NGLY1: variants seen among roughly 807,000 people sequenced by gnomAD.
NGLY1 encodes peptide-N(4)-(N-acetyl-beta-glucosaminyl)asparagine amidase.
Under a neutral mutation model 84.6 loss-of-function variants are expected in NGLY1, and 68 were observed. The ratio of observed to expected loss-of-function variants is 0.80; its 90% CI spans 0.66 to 0.98. The LOEUF (loss-of-function observed/expected upper bound fraction) is 0.98, where lower values mean the gene tolerates loss of function less well. Among genes scored for constraint, NGLY1 ranks in the 50% least tolerant of loss-of-function variants. The pLI is 0.00. For missense variants in NGLY1, 779 were observed against 770.2 expected (o/e 1.01, Z -0.14); for synonymous variants, 280 against 275.2 (o/e 1.02, Z -0.17).
chr3:25,743,450 C>T (rs745600379), intron 4 of NGLY1, among the ~76,000 whole-genome samples: 5 of 152,168 alleles, frequency 3.3e-5, no homozygotes, highest in Non-Finnish European at 5.9e-5. Context: ...CTCATGCCTT[C>T]TACCTAAAAG....
intron 9 of NGLY1, chr3:25,730,134 C>T (rs1379721695): frequency 6.6e-6 from 1 of 151,804 alleles, no homozygotes; most frequent in African/African-American, 2.4e-5. Flanking sequence ...CCTTAAAATC[C>T]CAGGCAATCT....
intron 4 of NGLY1, 138 bp from the exon 5 acceptor site, chr3:25,739,937 G>A: frequency 4.6e-6 from 3 of 656,022 alleles, no homozygotes; most frequent in Middle Eastern, 4.2e-4. Context: ...TAAGAGGCAA[G>A]AAGAAACTGT....
intron 4 of NGLY1, among the ~76,000 whole-genome samples, chr3:25,746,590 T>C (rs747127417): frequency 1.1e-4 from 17 of 152,198 alleles, no homozygotes; most frequent in Non-Finnish European, 1.8e-4. Context: ...TCTTAGCTAA[T>C]AGACTTGAAG....
intron 9 of NGLY1, chr3:25,730,245 T>C (rs1705474811): frequency 6.6e-6 from 1 of 152,134 alleles, no homozygotes; most frequent in South Asian, 2.1e-4. Context: ...CCAATGTTTC[T>C]TCTGTTTCCA....
At chr3:25,777,059 T>TGCTG (rs1708184938) in intron 2 of NGLY1, among the ~76,000 whole-genome samples, 1 of 152,208 alleles carries the variant, frequency 6.6e-6, no homozygotes, top group Admixed American at 6.5e-5. Flanking sequence ...GGAATTCTCT[T>TGCTG]TACAGCAAGC....
intron 2 of NGLY1, chr3:25,777,589 C>A (rs1708217336): frequency 6.6e-6 from 1 of 152,110 alleles, no homozygotes; most frequent in African/African-American, 2.4e-5. Context: ...AACACTCTTA[C>A]CTGAGAGTTT....
At chr3:25,724,637 C>A (rs769277603) in intron 10 of NGLY1, among the ~76,000 whole-genome samples, 2 of 152,098 alleles carry the variant, frequency 1.3e-5, no homozygotes, top group African/African-American at 4.8e-5. Context: ...CCTCTCTAGT[C>A]TCATTTCTCA....
At chr3:25,739,173 A>T (rs1412750968) in intron 5 of NGLY1, among the ~76,000 whole-genome samples, 1 of 152,220 alleles carries the variant, frequency 6.6e-6, no homozygotes, top group Non-Finnish European at 1.5e-5. Flanking sequence ...ACAGTTAAAA[A>T]TTAGGAATTA....
intron 3 of NGLY1, among the ~76,000 whole-genome samples, chr3:25,761,581 G>GA (rs1325998442): frequency 6.6e-6 from 1 of 152,166 alleles, no homozygotes; most frequent in Non-Finnish European, 1.5e-5. Flanking sequence ...AGGATACTAA[G>GA]AAACGGGAAG....
intron 5 of NGLY1, among the ~76,000 whole-genome samples, chr3:25,738,822 T>C (rs752725931): frequency 4.6e-5 from 7 of 152,176 alleles, no homozygotes; most frequent in Admixed American, 3.3e-4. Flanking sequence ...TAAAAAAAAT[T>C]AGATATTTTT....
intron 2 of NGLY1, among the ~76,000 whole-genome samples, chr3:25,768,240 T>C (rs1279963597): frequency 6.7e-6 from 1 of 149,650 alleles, no homozygotes; most frequent in Non-Finnish European, 1.5e-5. Flanking sequence ...CTGGCCAACA[T>C]GGTGAAACCC....
rs957374951 is a variant in NGLY1, at chr3:25,783,095, C to G, written c.131+165G>C. 1 of 619,984 alleles carries G rather than the reference C, an allele frequency of 1.6e-6. No homozygotes were observed. The highest frequency in any genetic ancestry group is 2.7e-6 in the Non-Finnish European group (1 of 369,314). 38.4% of individuals were successfully genotyped at this position (619,984 alleles called of 1,614,324 possible). A position where few individuals can be genotyped will look rare whatever the true frequency, so the allele number is the denominator to read the frequency against. Reference sequence around the variant, plus strand: ...GGGACTTGGCCGGGTCCCGAGGCCCCTGGCCGGCGGGCTCGGACGTTAGGA... The same window carrying G: ...GGGACTTGGCCGGGTCCCGAGGCCCGTGGCCGGCGGGCTCGGACGTTAGGA... On this transcript the variant is annotated intron_variant, in intron 1 of 11. Coordinates refer to ENST00000280700, the MANE Select transcript of NGLY1 (RefSeq NM_018297.4). This position sits in a 1 kb window ranked among gnomAD's most constrained non-coding sequence, Gnocchi z 4.5.
At chr3:25,725,749 A>G (rs1705221827) in intron 10 of NGLY1, among the ~76,000 whole-genome samples, 1 of 149,846 alleles carries the variant, frequency 6.7e-6, no homozygotes, top group Non-Finnish European at 1.5e-5. Context: ...AGAGAACAGA[A>G]AAAAAAAAAT....
chr3:25,761,421 C>A (rs955002700), intron 3 of NGLY1, among the ~76,000 whole-genome samples: 2 of 152,128 alleles, frequency 1.3e-5, no homozygotes, highest in African/African-American at 4.8e-5. Context: ...AAGTTACTTC[C>A]ATTAGGAACA....
chr3:25,737,882 T>A (rs1705923549), intron 5 of NGLY1, among the ~76,000 whole-genome samples: 1 of 152,192 alleles, frequency 6.6e-6, no homozygotes, highest in African/African-American at 2.4e-5. Flanking sequence ...AAATCTAGAA[T>A]ATATGAGGCA....
chr3:25,725,950 C>T (rs1456186948), intron 10 of NGLY1, among the ~76,000 whole-genome samples: 1 of 152,330 alleles, frequency 6.6e-6, no homozygotes, highest in Non-Finnish European at 1.5e-5. Context: ...CCAGCTGATA[C>T]GCACCTTGAG....
upstream of NGLY1, among the ~76,000 whole-genome samples, chr3:25,786,106 A>G (rs1009036875): frequency 1.3e-5 from 2 of 152,214 alleles, no homozygotes; most frequent in Admixed American, 6.5e-5. Flanking sequence ...ACTTTTTAAT[A>G]TCACCAAACC....
intron 3 of NGLY1, among the ~76,000 whole-genome samples, chr3:25,756,246 G>A (rs1206367007): frequency 2.0e-5 from 3 of 152,072 alleles, no homozygotes; most frequent in Non-Finnish European, 1.5e-5. Context: ...CTACCCCATA[G>A]GTTTGTTTCT....
upstream of NGLY1, among the ~76,000 whole-genome samples, chr3:25,785,518 G>GA (rs1708583898): frequency 6.8e-6 from 1 of 147,542 alleles, no homozygotes; most frequent in Non-Finnish European, 1.5e-5. Context: ...AAATGCAACA[G>GA]AACTTTTTTT....
Sources: allele counts gnomAD v4.1 joint callset (sites outside exome capture counted in the v4.1 genomes callset), GRCh38; gene constraint gnomAD v4.1.1; non-coding constraint Gnocchi (gnomAD v3.1); transcripts MANE v1.5; gene names NCBI Gene and HGNC (gene_info 2026-07-23, HGNC 2026-07-21).